Variants in PIKFYVE observed in about 807,000 individuals in gnomAD.
The protein encoded by PIKFYVE is 1-phosphatidylinositol 3-phosphate 5-kinase.
Under a neutral mutation model 257.9 loss-of-function variants are expected in PIKFYVE, and 122 were observed. The observed-to-expected ratio is 0.47, with a 90% CI of 0.41 to 0.55. PIKFYVE has a LOEUF of 0.55. Ranked by LOEUF, PIKFYVE falls within the 20% of genes least tolerant of loss-of-function variation. The probability of loss-of-function intolerance (pLI) is 0.00; values close to 1 mark genes in which losing one functional copy is unlikely to be tolerated. For missense variants in PIKFYVE, 2,160 were observed against 2,536.6 expected, an observed-to-expected ratio of 0.85 and a Z score of 3.19; for synonymous variants, 892 against 868.9, an observed-to-expected ratio of 1.03 and a Z score of -0.47.
At chr2:208,347,801 T>A (rs1481153812) in intron 34 of PIKFYVE, 58 bp from the exon 35 acceptor site, 9 of 1,461,334 alleles carry the variant, frequency 6.2e-6, no homozygotes, top group African/African-American at 2.8e-5. Context: ...CTGAAAATTT[T>A]TATTTTTCAT....
At chr2:208,311,940 C>T (rs749174812) in intron 12 of PIKFYVE, among the ~76,000 whole-genome samples, 5 of 152,034 alleles carry the variant, frequency 3.3e-5, no homozygotes, top group East Asian at 1.9e-4. Context: ...TTTCATAAAC[C>T]GGTTGGTTTT....
chr2:208,352,504 T>C, intron 38 of PIKFYVE, 150 bp from the exon 39 acceptor site: 1 of 767,938 alleles, frequency 1.3e-6, no homozygotes, highest in Non-Finnish European at 2.0e-6. Context: ...TACTCACTTC[T>C]GAGATTCAAG....
At chr2:208,340,280 G>A (rs1048887422) in intron 31 of PIKFYVE, 149 bp downstream of exon 31, 6 of 1,053,586 alleles carry the variant, frequency 5.7e-6, no homozygotes, top group Non-Finnish European at 8.3e-6. Context: ...TTGATACAAT[G>A]TAATTTGTAG....
intron 1 of PIKFYVE, among the ~76,000 whole-genome samples, chr2:208,270,336 C>G (rs554414577): frequency 6.6e-6 from 1 of 152,234 alleles, no homozygotes; most frequent in African/African-American, 2.4e-5. Context: ...GCCACCGTGC[C>G]TGGACCAGTC....
At chr2:208,326,819 G>A (rs534121073) in intron 20 of PIKFYVE, among the ~76,000 whole-genome samples, 77 of 152,214 alleles carry the variant, frequency 5.1e-4, no homozygotes, top group African/African-American at 1.8e-3. Flanking sequence ...AAAAAAGTTA[G>A]CAGCAAATAT....
rs919345189 is a variant in PIKFYVE at position 208,336,832 on chromosome 2, C to T, written c.4521-6C>T. The T allele has an allele frequency of 1.4e-5, 22 of 1,609,122 alleles. No individual in the cohort carries two copies. In the Admixed American group the frequency reaches 2.0e-4, roughly 15 times the overall value. On this transcript the variant is annotated splice_polypyrimidine_tract_variant and splice_region_variant and intron_variant, in intron 27 of 41. Transcript: ENST00000264380. ...ATATATATATATTTTTTGCTTTTGGCCACAGGTTGCAGGACCTTTTCCAAC... is the reference window on the plus strand; with the variant it reads ...ATATATATATATTTTTTGCTTTTGGTCACAGGTTGCAGGACCTTTTCCAAC...
chr2:208,328,371 C>T, intron 21 of PIKFYVE, 91 bp downstream of exon 21: 2 of 1,505,142 alleles, frequency 1.3e-6, no homozygotes, highest in Non-Finnish European at 1.8e-6. Flanking sequence ...TCATTAGGAC[C>T]TGTATTTAGG....
chr2:208,329,737 A>G (rs867921368), intron 21 of PIKFYVE, 105 bp from the exon 22 acceptor site: 2 of 1,527,012 alleles, frequency 1.3e-6, no homozygotes, highest in Middle Eastern at 1.8e-4. Context: ...TTCATACTTC[A>G]TTGTAAGTAC....
chr2:208,337,910 A>G (rs956175807), intron 28 of PIKFYVE, among the ~76,000 whole-genome samples: 14 of 151,992 alleles, frequency 9.2e-5, no homozygotes, highest in Admixed American at 2.0e-4. Flanking sequence ...TTTAGTAGAG[A>G]TGGGGTTTCT....
chr2:208,267,794 ACCGGGCGG>A (rs1688854785), intron 1 of PIKFYVE, among the ~76,000 whole-genome samples: 2 of 151,480 alleles, frequency 1.3e-5, no homozygotes, highest in Non-Finnish European at 2.9e-5. Context: ...GGCGTGAGCC[ACCGGGCGG>A]GGGTCTCCCT....
chr2:208,279,916 G>A (rs1207385154), intron 5 of PIKFYVE, among the ~76,000 whole-genome samples: 2 of 152,156 alleles, frequency 1.3e-5, no homozygotes, highest in South Asian at 4.1e-4. Context: ...TAAGCAAAAA[G>A]AACAAGGCAG....
chr2:208,341,839 A>G (rs1698735422), intron 31 of PIKFYVE, among the ~76,000 whole-genome samples: 1 of 152,150 alleles, frequency 6.6e-6, no homozygotes, highest in East Asian at 1.9e-4. Context: ...CTGGGAGGGT[A>G]AACATTCATT....
At chr2:208,267,803 G>A (rs1380101370) in intron 1 of PIKFYVE, among the ~76,000 whole-genome samples, 2 of 152,038 alleles carry the variant, frequency 1.3e-5, no homozygotes, top group African/African-American at 4.8e-5. Flanking sequence ...CACCGGGCGG[G>A]GGTCTCCCTC....
intron 1 of PIKFYVE, among the ~76,000 whole-genome samples, chr2:208,268,445 T>TC (rs1451631330): frequency 9.2e-6 from 1 of 109,068 alleles, no homozygotes; most frequent in Non-Finnish European, 2.0e-5. Flanking sequence ...TTTTTTTTTT[T>TC]CCCTAAATAA....
intron 9 of PIKFYVE, among the ~76,000 whole-genome samples, chr2:208,301,465 G>A (rs1450812863): frequency 1.3e-5 from 2 of 152,140 alleles, no homozygotes; most frequent in Admixed American, 6.5e-5. Flanking sequence ...TATGCCTGTC[G>A]GGTCCTAGCT....
At chr2:208,268,520 C>G (rs1383234011) in intron 1 of PIKFYVE, among the ~76,000 whole-genome samples, 5 of 150,584 alleles carry the variant, frequency 3.3e-5, no homozygotes, top group African/African-American at 1.2e-4. Flanking sequence ...AAGCGATCCT[C>G]CCGTCTCAGC....
At chr2:208,353,036 C>A (rs1699916661) in intron 39 of PIKFYVE, among the ~76,000 whole-genome samples, 1 of 152,162 alleles carries the variant, frequency 6.6e-6, no homozygotes, top group African/African-American at 2.4e-5. Flanking sequence ...GAAGGCAGAT[C>A]TACTTCCCGC....
At chr2:208,272,400 T>C (rs2125003731) in intron 2 of PIKFYVE, among the ~76,000 whole-genome samples, 1 of 152,248 alleles carries the variant, frequency 6.6e-6, no homozygotes, top group African/African-American at 2.4e-5. Flanking sequence ...TTTAAAGCAA[T>C]GAAACTGAAA....
intron 17 of PIKFYVE, among the ~76,000 whole-genome samples, chr2:208,321,000 G>C (rs80189026): frequency 0.02 from 3,077 of 152,296 alleles, 42 homozygotes; most frequent in Non-Finnish European, 0.034. Context: ...TCTAGTTGTA[G>C]CGTTGCAATA....
Sources: gnomAD v4.1 joint callset for allele counts (sites outside exome capture counted in the v4.1 genomes callset) on GRCh38, gnomAD v4.1.1 for gene constraint, MANE v1.5 for transcripts, NCBI Gene and HGNC (gene_info 2026-07-23, HGNC 2026-07-21) for gene names.